Variants in SCUBE1 observed in about 807,000 individuals in gnomAD.
SCUBE1 encodes signal peptide, CUB and EGF-like domain-containing protein 1.
A neutral mutation model predicts 124.4 loss-of-function variants in SCUBE1; 59 were observed. The observed-to-expected ratio is 0.47, with a 90% confidence interval of 0.38 to 0.59. SCUBE1 has a LOEUF of 0.59. SCUBE1 is among the 20% of genes least tolerant of loss of function. SCUBE1 has a pLI of 0.00. For synonymous variants in SCUBE1, 545 were observed against 550.9 expected, an observed-to-expected ratio of 0.99 and a Z score of 0.15; for missense variants, 1,150 against 1,371.2, an observed-to-expected ratio of 0.84 and a Z score of 2.55.
chr22:43,254,404 T>C (rs533394809), intron 6 of SCUBE1, among the ~76,000 whole-genome samples: 1 of 152,262 alleles, frequency 6.6e-6, no homozygotes, highest in Admixed American at 6.5e-5. Context: ...TCCTGCTTCC[T>C]CTCTAGATGC....
At chr22:43,214,046 C>CCGGGGGGGGGGGGGGGGGG in intron 16 of SCUBE1, 44 bp downstream of exon 16, 3 of 422,702 alleles carry the variant, frequency 7.1e-6, no homozygotes, top group Non-Finnish European at 1.2e-5. Flanking sequence ...GAGGAGCCCC[C>CCGGGGGGGGGGGGGGGGGG]GCCCACCCCC....
At chr22:43,303,873 A>C (rs1925865335) in intron 3 of SCUBE1, among the ~76,000 whole-genome samples, 1 of 152,198 alleles carries the variant, frequency 6.6e-6, no homozygotes, top group African/African-American at 2.4e-5. Flanking sequence ...ATTTTCTCCT[A>C]AATGTAATGA....
chr22:43,200,732 C>A lies in SCUBE1; in HGVS notation c.*3265G>T, dbSNP rs1000294699. On this transcript the variant is annotated 3_prime_UTR_variant, in exon 22 of 22. Coordinates refer to ENST00000360835, the MANE Select transcript of SCUBE1 (RefSeq NM_173050.5). ...CCCAGTGGGGCTGCTGGCGACCTCG[C>A]GCTCCTCATGGCCTCTCCCGTGGGC... The A allele has an allele frequency of 6.6e-6, 1 of 152,306 alleles. No homozygotes were observed. The highest frequency in any genetic ancestry group is 1.5e-5 in the Non-Finnish European group (1 of 68,116). The allele number at this position is 152,306 out of a possible 1,614,324, so 9.4% of individuals were successfully genotyped here.
intron 2 of SCUBE1, among the ~76,000 whole-genome samples, chr22:43,330,618 A>G (rs1028454172): frequency 1.3e-5 from 2 of 152,252 alleles, no homozygotes; most frequent in Non-Finnish European, 2.9e-5. Context: ...AATCCAGTCC[A>G]GTGCACACAC....
chr22:43,281,533 C>CCCT (rs1555886035), intron 4 of SCUBE1, among the ~76,000 whole-genome samples: 1,734 of 63,350 alleles, frequency 0.027, 150 homozygotes, highest in African/African-American at 0.11. Context: ...CCTGTCACCT[C>CCCT]CCTCAGTCAC....
chr22:43,275,667 A>C (rs1209026813), intron 4 of SCUBE1, among the ~76,000 whole-genome samples: 1 of 152,214 alleles, frequency 6.6e-6, no homozygotes, highest in Non-Finnish European at 1.5e-5. Context: ...TTGATGGATG[A>C]CTAAGAGTTC....
intron 1 of SCUBE1, among the ~76,000 whole-genome samples, chr22:43,339,864 A>ATT (rs71186579): frequency 1.8e-3 from 17 of 9,606 alleles, no homozygotes; most frequent in African/African-American, 7.1e-3. Context: ...TACTCTCCTC[A>ATT]CTATCCCCCC....
intron 15 of SCUBE1, among the ~76,000 whole-genome samples, chr22:43,217,365 C>T (rs1921876433): frequency 6.6e-6 from 1 of 151,430 alleles, no homozygotes; most frequent in Non-Finnish European, 1.5e-5. Flanking sequence ...CCCCCCAGCC[C>T]ACTCTTCCTC....
At chr22:43,323,065 TAA>T (rs1245160462) in intron 2 of SCUBE1, among the ~76,000 whole-genome samples, 2 of 152,220 alleles carry the variant, frequency 1.3e-5, no homozygotes, top group Non-Finnish European at 2.9e-5. Context: ...TCCTTTCTAA[TAA>T]GTTAGAATGC....
chr22:43,198,614 G>C lies in SCUBE1; in HGVS notation c.*5383C>G. 2.2e-6 allele frequency: 1 copy of C among 456,694 alleles called. No individual in the cohort carries two copies. The highest frequency in any genetic ancestry group is 4.4e-6 in the Non-Finnish European group (1 of 226,968). 28.3% of individuals were successfully genotyped at this position (456,694 alleles called of 1,614,324 possible). A position where few individuals can be genotyped will look rare whatever the true frequency, so the allele number is the denominator to read the frequency against. On this transcript the variant is annotated 3_prime_UTR_variant, in exon 22 of 22. Coordinates refer to ENST00000360835, the MANE Select transcript of SCUBE1 (RefSeq NM_173050.5). Reference sequence around the variant, plus strand: ...CCCTTGGCCTGAATGATGTCGGCTCGGCATGGACACCTTGTGCATCTTTGG... The same window carrying C: ...CCCTTGGCCTGAATGATGTCGGCTCCGCATGGACACCTTGTGCATCTTTGG...
At chr22:43,209,165 G>A (rs1304959454) in intron 19 of SCUBE1, among the ~76,000 whole-genome samples, 2 of 152,138 alleles carry the variant, frequency 1.3e-5, no homozygotes, top group South Asian at 2.1e-4. Context: ...CCAGGATAAC[G>A]CAACTCTGGA....
At chr22:43,217,532 C>T (rs1002756756) in intron 15 of SCUBE1, among the ~76,000 whole-genome samples, 2 of 152,142 alleles carry the variant, frequency 1.3e-5, no homozygotes, top group African/African-American at 4.8e-5. Context: ...TCAGCCTTCC[C>T]GTAAGAGCGC....
Position 43,227,386 on chromosome 22 carries a change from TC to T in SCUBE1, c.1194del (p.Lys399ArgfsTer52). On this transcript the variant is annotated frameshift_variant, in exon 10 of 22. Coordinates refer to ENST00000360835, the MANE Select transcript of SCUBE1 (RefSeq NM_173050.5). LOFTEE classifies it high-confidence loss of function. ...GGCGGCCACCTACCCACGCAATCCT[TC>T]CCGTTCCAGTGGAGCCGCCTCCCCG... ...CPPGRRLHWNGKDCVETGKCL... is the reference protein window; with the variant it reads ...CPPGRRLHWNXKDCVETGKCL... 6.2e-7 allele frequency: 1 copy of T among 1,610,768 alleles called. No homozygotes were observed.
intron 15 of SCUBE1, 123 bp downstream of exon 15, chr22:43,218,132 C>G (rs752238746): frequency 4.2e-5 from 37 of 888,298 alleles, no homozygotes; most frequent in Middle Eastern, 3.4e-4. Flanking sequence ...CCCGGCAGGC[C>G]TCTGCATCTC....
In SCUBE1 at chr22:43,201,538, A is replaced by G. The variant is rs1921012088; in HGVS notation, c.*2459T>C. On this transcript the variant is annotated 3_prime_UTR_variant, in exon 22 of 22. Transcript: ENST00000360835. Reference sequence around the variant, plus strand: ...CATCCAATCTGTTGAGGGCCCCAATAGAAAAGAAGGAGGAGGAAGGGAGAA... The same window carrying G: ...CATCCAATCTGTTGAGGGCCCCAATGGAAAAGAAGGAGGAGGAAGGGAGAA... 1 of 151,974 alleles carries G rather than the reference A, an allele frequency of 6.6e-6. No homozygotes were observed. Among genetic ancestry groups the G allele is most frequent in the Non-Finnish European group, 1.5e-5 (1 of 67,984 alleles). 9.4% of individuals were successfully genotyped at this position (151,974 alleles called of 1,614,324 possible).
intron 4 of SCUBE1, among the ~76,000 whole-genome samples, chr22:43,263,237 C>A (rs1923939284): frequency 6.6e-6 from 1 of 152,114 alleles, no homozygotes; most frequent in Non-Finnish European, 1.5e-5. Context: ...AGGGTACCCC[C>A]CACCCGCCCA....
At chr22:43,217,675 C>T (rs1314350713) in intron 15 of SCUBE1, among the ~76,000 whole-genome samples, 3 of 152,182 alleles carry the variant, frequency 2.0e-5, no homozygotes, top group South Asian at 2.1e-4. Context: ...GTCCATCTTC[C>T]GCACGGGCAT....
intron 21 of SCUBE1, among the ~76,000 whole-genome samples, chr22:43,206,718 C>G (rs1293960677): frequency 6.6e-6 from 1 of 152,146 alleles, no homozygotes; most frequent in African/African-American, 2.4e-5. Flanking sequence ...GGATGGCCCT[C>G]CGGCTGAGGT....
At position 43,340,174 on chromosome 22, in the gene SCUBE1, C is replaced by T. The variant is rs375380142; in HGVS notation, c.89-939G>A. Among the ~76,000 whole-genome samples the T allele has an allele frequency of 2.2e-4, 34 of 151,930 alleles. No homozygotes were observed. The East Asian group carries it at 3.7e-3, about 17-fold the overall frequency. On this transcript the variant is annotated intron_variant, in intron 1 of 21. Transcript: ENST00000360835. ...AACACGGGATTCATCATCTGGCTTC[C>T]ACGCCCCCACACCAAAGTGTCTGGT...
Sources: gnomAD v4.1 joint callset for allele counts (sites outside exome capture counted in the v4.1 genomes callset) on GRCh38, gnomAD v4.1.1 for gene constraint, MANE v1.5 for transcripts, NCBI Gene and HGNC (gene_info 2026-07-23, HGNC 2026-07-21) for gene names.